Variants in BICRAL observed in about 807,000 individuals in gnomAD.
The protein encoded by BICRAL is BICRA like chromatin remodeling complex associated protein, also known as BRD4-interacting chromatin-remodeling complex-associated protein-like.
A neutral mutation model predicts 91.8 loss-of-function variants in BICRAL; 8 were observed. That is an observed-to-expected ratio of 0.09 (90% CI 0.05 to 0.16). The LOEUF is 0.16. Among genes scored for constraint, BICRAL ranks in the 10% least tolerant of loss-of-function variants. The pLI is 1.00. For synonymous variants in BICRAL, 445 were observed against 491.1 expected (o/e 0.91, Z 1.24); for missense variants, 1,038 against 1,310.9 (o/e 0.79, Z 3.21).
chr6:42,831,666 G>A (rs1219118547), intron 6 of BICRAL, among the ~76,000 whole-genome samples: 4 of 151,632 alleles, frequency 2.6e-5, no homozygotes, highest in South Asian at 2.1e-4. Context: ...TCAGTCCTGC[G>A]TTTCCCCTGC....
intron 1 of BICRAL, among the ~76,000 whole-genome samples, chr6:42,773,994 G>GA (rs1762777538): frequency 2.6e-5 from 4 of 152,328 alleles, no homozygotes; most frequent in South Asian, 4.1e-4. Context: ...ATTATCTTGT[G>GA]AAAAAACCCG....
At chr6:42,791,707 TCTCAC>T (rs1045881778) in intron 1 of BICRAL, among the ~76,000 whole-genome samples, 10 of 152,112 alleles carry the variant, frequency 6.6e-5, no homozygotes, top group African/African-American at 1.9e-4. Flanking sequence ...CAAGCGGTCT[TCTCAC>T]CTCGGCCTCC....
chr6:42,819,779 A>AAAGAGTGTGACCT (rs1377548848), intron 2 of BICRAL, among the ~76,000 whole-genome samples: 2 of 152,164 alleles, frequency 1.3e-5, no homozygotes, highest in African/African-American at 4.8e-5. Context: ...TAAGGTGAGA[A>AAAGAGTGTGACCT]AAGAGTGTGA....
chr6:42,757,158 G>T (rs907171503), intron 1 of BICRAL, among the ~76,000 whole-genome samples: 1 of 151,968 alleles, frequency 6.6e-6, no homozygotes, highest in Non-Finnish European at 1.5e-5. Flanking sequence ...TTTTTTTGAT[G>T]GATGGAGCAA....
In BICRAL at chr6:42,865,525, CAA is replaced by C. The variant is rs1036722493; in HGVS notation, c.*82_*83del. 6 of 711,082 alleles carry C rather than the reference CAA, an allele frequency of 8.4e-6. No homozygotes were observed. The Admixed American group carries it at 1.8e-4, about 21-fold the overall frequency. The allele number at this position is 711,082 out of a possible 1,614,324, so 44.0% of individuals were successfully genotyped here. On this transcript the variant is annotated 3_prime_UTR_variant, in exon 13 of 13. Coordinates refer to ENST00000314073, the MANE Select transcript of BICRAL (RefSeq NM_001393499.1). ...CCGGACCAGTTACATTCGTTCCTGGCAAAAGCAAATGGAAATGGTCTCCTGTC... is the reference window on the plus strand; with the variant it reads ...CCGGACCAGTTACATTCGTTCCTGGCAAGCAAATGGAAATGGTCTCCTGTC...
chr6:42,826,946 C>G (rs1015803702), intron 5 of BICRAL, among the ~76,000 whole-genome samples: 1 of 152,110 alleles, frequency 6.6e-6, no homozygotes, highest in Non-Finnish European at 1.5e-5. Flanking sequence ...GCCACCACCC[C>G]CAGCTAATTT....
chr6:42,773,190 C>T (rs1235029223), intron 1 of BICRAL, among the ~76,000 whole-genome samples: 4 of 149,482 alleles, frequency 2.7e-5, no homozygotes, highest in Non-Finnish European at 4.5e-5. Context: ...GGGATTCTTC[C>T]GCCTCAGCCT....
intron 2 of BICRAL, among the ~76,000 whole-genome samples, chr6:42,816,150 C>G (rs1046140493): frequency 1.3e-5 from 2 of 150,692 alleles, no homozygotes; most frequent in African/African-American, 4.9e-5. Flanking sequence ...TTAAGTGCAG[C>G]AGTTCGAGAC....
chr6:42,747,265 G>C (rs1002875511), intron 1 of BICRAL, among the ~76,000 whole-genome samples: 8 of 152,148 alleles, frequency 5.3e-5, no homozygotes, highest in Admixed American at 3.9e-4. Flanking sequence ...GCCCGGGCGC[G>C]GCAGCCTCGC....
intron 1 of BICRAL, among the ~76,000 whole-genome samples, chr6:42,803,130 A>G (rs1763622769): frequency 6.6e-6 from 1 of 152,168 alleles, no homozygotes; most frequent in African/African-American, 2.4e-5. Context: ...ATGAACCACA[A>G]CTATTATTAA....
intron 1 of BICRAL, among the ~76,000 whole-genome samples, chr6:42,762,664 T>A (rs192131719): frequency 6.6e-6 from 1 of 152,302 alleles, no homozygotes; most frequent in Admixed American, 6.5e-5. Flanking sequence ...CCAATAATTA[T>A]CTAGCTGGGT....
In BICRAL at chr6:42,812,386, G is replaced by A. The variant is rs553364791; in HGVS notation, c.-6+1985G>A. ...GGCAGGAGGATCACTTGAGACCAGGGGTTCAAGACCACCCTGGGCAACACA... is the reference window on the plus strand; with the variant it reads ...GGCAGGAGGATCACTTGAGACCAGGAGTTCAAGACCACCCTGGGCAACACA... On this transcript the variant is annotated intron_variant, in intron 2 of 12. Coordinates refer to ENST00000314073, the MANE Select transcript of BICRAL (RefSeq NM_001393499.1). Among the ~76,000 whole-genome samples, 9 of 151,650 alleles carry A rather than the reference G, an allele frequency of 5.9e-5. No homozygotes were observed. The South Asian group carries it at 1.9e-3, about 32-fold the overall frequency.
chr6:42,806,957 A>G (rs1342187268), intron 1 of BICRAL, among the ~76,000 whole-genome samples: 2 of 150,878 alleles, frequency 1.3e-5, no homozygotes, highest in Non-Finnish European at 2.9e-5. Context: ...CAGCCTCCCA[A>G]GTAGCTGGGA....
intron 1 of BICRAL, among the ~76,000 whole-genome samples, chr6:42,804,052 C>T (rs1169032480): frequency 4.6e-5 from 7 of 152,114 alleles, no homozygotes; most frequent in African/African-American, 1.4e-4. Flanking sequence ...GACGGAGTTT[C>T]GCTCTTGTTG....
At chr6:42,841,938 G>T (rs572531467) in intron 6 of BICRAL, among the ~76,000 whole-genome samples, 1 of 152,242 alleles carries the variant, frequency 6.6e-6, no homozygotes, top group South Asian at 2.1e-4. Context: ...ATACCCCAAG[G>T]TAGGCTTTAA....
intron 1 of BICRAL, among the ~76,000 whole-genome samples, chr6:42,770,853 G>A (rs1387034840): frequency 6.6e-6 from 1 of 150,930 alleles, no homozygotes; most frequent in African/African-American, 2.4e-5. Context: ...ACCACGCCCC[G>A]CTAATTTTTG....
chr6:42,794,846 A>G (rs7740701), intron 1 of BICRAL, among the ~76,000 whole-genome samples: 53,656 of 149,448 alleles, frequency 0.36, 9,980 homozygotes, highest in South Asian at 0.47. Flanking sequence ...CTGTAATCGC[A>G]GCTATTCGGG....
chr6:42,751,968 T>C (rs978523200), intron 1 of BICRAL, among the ~76,000 whole-genome samples: 1 of 152,170 alleles, frequency 6.6e-6, no homozygotes, highest in Non-Finnish European at 1.5e-5. Flanking sequence ...AGCCCCTTTT[T>C]CTAGTAGTTT....
intron 6 of BICRAL, among the ~76,000 whole-genome samples, chr6:42,835,328 C>T (rs1326585821): frequency 6.6e-6 from 1 of 151,848 alleles, no homozygotes; most frequent in Admixed American, 6.6e-5. Flanking sequence ...AGGGTTTTAC[C>T]ATGTTGGCAA....
Sources: gnomAD v4.1 joint callset for allele counts (sites outside exome capture counted in the v4.1 genomes callset) on GRCh38, gnomAD v4.1.1 for gene constraint, MANE v1.5 for transcripts, NCBI Gene and HGNC (gene_info 2026-07-23, HGNC 2026-07-21) for gene names.